ZNF268: variants seen among roughly 807,000 people sequenced by gnomAD.
ZNF268 encodes zinc finger protein 268.
A neutral mutation model predicts 29.3 loss-of-function variants in ZNF268; 20 were observed. The observed-to-expected ratio is 0.68, with a 90% confidence interval of 0.48 to 0.99. The LOEUF (loss-of-function observed/expected upper bound fraction) is 0.99, where lower values mean the gene tolerates loss of function less well. Among genes scored for constraint, ZNF268 ranks in the 50% least tolerant of loss-of-function variants. ZNF268 has a pLI of 0.00. For synonymous variants in ZNF268, 429 were observed against 376.9 expected, an observed-to-expected ratio of 1.14 and a Z score of -1.60; for missense variants, 1,240 against 1,121.6, an observed-to-expected ratio of 1.11 and a Z score of -1.51.
rs765469436 is a variant in ZNF268 at position 133,202,303 on chromosome 12, A to G, written c.617A>G (p.His206Arg). ...CAAAAACCTCATAAATGTGGCACGC[A>G]TGGAAAGAGTTTGAAATATATAGAT... ...SRQKPHKCGT[H>R]GKSLKYIDFT... The change falls in exon 6 of 6, where the codon CAT becomes CGT. Residue 206 changes from histidine to arginine, a missense_variant. By Grantham distance (29) the His-to-Arg change is conservative (BLOSUM62 0). Transcript: ENST00000536435. 3 of 1,612,602 alleles carry G rather than the reference A, an allele frequency of 1.9e-6. No individual in the cohort carries two copies. Among genetic ancestry groups the G allele is most frequent in the Admixed American group, 3.3e-5 (2 of 59,772 alleles).
chr12:133,198,522 T>A (rs1490503653), intron 5 of ZNF268, among the ~76,000 whole-genome samples: 8 of 152,032 alleles, frequency 5.3e-5, no homozygotes, highest in Non-Finnish European at 8.8e-5. Context: ...ATGCGGGCTC[T>A]TTTTTGGTTC....
intron 2 of ZNF268, among the ~76,000 whole-genome samples, chr12:133,187,058 G>A (rs539625568): frequency 9.9e-5 from 15 of 152,228 alleles, no homozygotes; most frequent in African/African-American, 3.6e-4. Flanking sequence ...CTGTATGGAT[G>A]GCCCATAGTG....
At chr12:133,198,515 C>A (rs1260743714) in intron 5 of ZNF268, among the ~76,000 whole-genome samples, 7 of 151,570 alleles carry the variant, frequency 4.6e-5, no homozygotes, top group Non-Finnish European at 1.0e-4. Context: ...CTTGGCGATG[C>A]GGGCTCTTTT....
At chr12:133,192,411 C>T (rs1019033447) in intron 5 of ZNF268, among the ~76,000 whole-genome samples, 21 of 151,902 alleles carry the variant, frequency 1.4e-4, no homozygotes, top group Admixed American at 1.3e-3. Context: ...CCCGGCCTTA[C>T]CATCCACTCT....
Position 133,203,147 on chromosome 12 carries a change from C to T in ZNF268, c.1461C>T (p.Leu487=). 6.5e-7 allele frequency: 1 copy of T among 1,537,578 alleles called. No individual in the cohort carries two copies. Among genetic ancestry groups the T allele is most frequent in the Non-Finnish European group, 8.7e-7 (1 of 1,146,794 alleles). Residue 487 remains leucine, a synonymous_variant, in exon 6 of 6, where the codon CTC becomes CTT. Coordinates refer to ENST00000536435, the MANE Select transcript of ZNF268 (RefSeq NM_003415.3). ...CGKGFSLKSQ[L]IVHQRSHTGM... ...AAGGATTCAGTTTGAAATCACAGCT[C>T]ATTGTACATCAGAGAAGTCACACAG... is the stretch of plus-strand genomic sequence containing the variant.
At position 133,181,693 on chromosome 12, in the gene ZNF268, A is replaced by G. The variant is rs1956179551; in HGVS notation, c.-53+7A>G. 2 of 390,078 alleles carry G rather than the reference A, an allele frequency of 5.1e-6. No individual in the cohort carries two copies. Among genetic ancestry groups the G allele is most frequent in the East Asian group, 8.2e-5 (2 of 24,408 alleles). 24.2% of individuals were successfully genotyped at this position (390,078 alleles called of 1,614,324 possible). On this transcript the variant is annotated splice_region_variant and intron_variant, in intron 1 of 5. Transcript: ENST00000536435. ...GGGTTTGGAGGAGCCGGAGGTGCGG[A>G]ATTCCTCCGGTTTCAAGGCGGCGGG...
In ZNF268 at chr12:133,202,968, A is replaced by C; in HGVS notation, c.1282A>C (p.Lys428Gln). The change falls in exon 6 of 6, where the codon AAG becomes CAG. Residue 428 changes from lysine to glutamine, a missense_variant. Around this residue, in one of 3 missense-constraint regions of ZNF268, gnomAD observed 1,177 missense variants for 1,039.6 expected, o/e 1.13. Transcript: ENST00000536435. ...CNECQKAFNT[K>Q]SNLMVHQRTH... is the part of the protein sequence containing the mutation. ...TGAATGTCAGAAAGCCTTTAATACA[A>C]AGTCAAACCTTATGGTACATCAGAG... 1 of 1,547,732 alleles carries C rather than the reference A, an allele frequency of 6.5e-7. No individual in the cohort carries two copies. The highest frequency in any genetic ancestry group is 8.7e-7 in the Non-Finnish European group (1 of 1,151,516).
intron 5 of ZNF268, among the ~76,000 whole-genome samples, chr12:133,196,579 A>C (rs771787676): frequency 6.6e-6 from 1 of 152,230 alleles, no homozygotes; most frequent in Admixed American, 6.5e-5. Context: ...TTTGATAGTT[A>C]GGATGGCTTC....
Position 133,202,598 on chromosome 12 carries a change from T to C in ZNF268, c.912T>C (p.Tyr304=). 1 of 1,606,296 alleles carries C rather than the reference T, an allele frequency of 6.2e-7. No homozygotes were observed. Among genetic ancestry groups the C allele is most frequent in the Non-Finnish European group, 8.5e-7 (1 of 1,175,840 alleles). The part of the protein sequence containing the change: ...HQQTHAEEKP[Y]GCNECGKDFS... Reference sequence around the variant, plus strand: ...AAACTCATGCCGAAGAGAAACCCTATGGTTGTAATGAATGTGGGAAAGACT... The same window carrying C: ...AAACTCATGCCGAAGAGAAACCCTACGGTTGTAATGAATGTGGGAAAGACT... Residue 304 remains tyrosine, a synonymous_variant, in exon 6 of 6, where the codon TAT becomes TAC. Transcript: ENST00000536435.
chr12:133,182,135 C>G, intron 2 of ZNF268, 105 bp downstream of exon 2: 1 of 1,175,134 alleles, frequency 8.5e-7, no homozygotes, highest in Non-Finnish European at 1.2e-6. Context: ...TCTCACCCCA[C>G]CGCTCTTTTA....
intron 3 of ZNF268, among the ~76,000 whole-genome samples, chr12:133,189,389 A>G (rs923270267): frequency 1.3e-5 from 2 of 151,684 alleles, no homozygotes; most frequent in African/African-American, 4.8e-5. Context: ...TAATTTTTGT[A>G]TTTGTAGTAG....
chr12:133,200,036 C>A (rs370760724), intron 5 of ZNF268, among the ~76,000 whole-genome samples: 2 of 151,954 alleles, frequency 1.3e-5, no homozygotes, highest in African/African-American at 4.8e-5. Flanking sequence ...CTTCAGTTCT[C>A]CTCTGATTTT....
intron 5 of ZNF268, among the ~76,000 whole-genome samples, chr12:133,196,212 C>T (rs1956592906): frequency 6.9e-6 from 1 of 145,604 alleles, no homozygotes; most frequent in Non-Finnish European, 1.5e-5. Context: ...ATCCCAGCTA[C>T]TCGGGAGGCT....
intron 5 of ZNF268, among the ~76,000 whole-genome samples, chr12:133,199,988 T>G (rs1956711309): frequency 6.6e-6 from 1 of 152,222 alleles, no homozygotes; most frequent in Non-Finnish European, 1.5e-5. Flanking sequence ...GCTCCTGGAT[T>G]CATTAATTTT....
Position 133,204,053 on chromosome 12 carries a change from T to A in ZNF268, c.2367T>A (p.Phe789Leu), listed in dbSNP as rs755811923. 5 of 1,563,698 alleles carry A rather than the reference T, an allele frequency of 3.2e-6. No individual in the cohort carries two copies. The highest frequency in any genetic ancestry group is 1.9e-5 in the Admixed American group (1 of 52,796). The change falls in exon 6 of 6, where the codon TTT becomes TTA. Residue 789 changes from phenylalanine to leucine, a missense_variant. Phe to Leu is a conservative substitution (Grantham distance 22). Coordinates refer to ENST00000536435, the MANE Select transcript of ZNF268 (RefSeq NM_003415.3). ...GGTGCAGTGAATGTGGGAAAGCTTTTAGCAGCAAGTCATACCTAATTATAC... is the reference window on the plus strand; with the variant it reads ...GGTGCAGTGAATGTGGGAAAGCTTTAAGCAGCAAGTCATACCTAATTATAC... Reference protein sequence around the residue: ...PYGCSECGKAFSSKSYLIIHM... With the variant: ...PYGCSECGKALSSKSYLIIHM...
intron 2 of ZNF268, among the ~76,000 whole-genome samples, chr12:133,185,976 A>T (rs891403656): frequency 1.3e-5 from 2 of 152,152 alleles, no homozygotes; most frequent in African/African-American, 2.4e-5. Context: ...TTGCCGTTTC[A>T]ACCAAATGTT....
chr12:133,187,358 C>T (rs751340385), intron 2 of ZNF268, among the ~76,000 whole-genome samples: 3 of 151,868 alleles, frequency 2.0e-5, no homozygotes, highest in Admixed American at 6.6e-5. Flanking sequence ...TTTCTAGGCT[C>T]TTTTATTTTT....
At chr12:133,193,580 T>C in intron 5 of ZNF268, 1 of 610,786 alleles carries the variant, frequency 1.6e-6, no homozygotes, top group South Asian at 2.0e-5. Context: ...AGGCCTAAGA[T>C]CATTCCCTCA....
At chr12:133,190,666 A>T (rs1417102785) in intron 3 of ZNF268, among the ~76,000 whole-genome samples, 1 of 152,144 alleles carries the variant, frequency 6.6e-6, no homozygotes, top group Non-Finnish European at 1.5e-5. Context: ...TAAAGTTTTA[A>T]TGTGTCTTCT....
Sources: allele counts gnomAD v4.1 joint callset (sites outside exome capture counted in the v4.1 genomes callset), GRCh38; gene constraint gnomAD v4.1.1; regional missense constraint gnomAD v4.1.1; transcripts MANE v1.5; gene names NCBI Gene and HGNC (gene_info 2026-07-23, HGNC 2026-07-21).